KIAA1217: variants seen among roughly 807,000 people sequenced by gnomAD.
KIAA1217 encodes sickle tail protein homolog.
KIAA1217 carries 88 observed loss-of-function variants against 163.9 expected under a neutral mutation model. The ratio of observed to expected loss-of-function variants is 0.54; its 90% CI spans 0.45 to 0.64. KIAA1217 has a LOEUF of 0.64. KIAA1217 is among the 30% of genes least tolerant of loss of function. The pLI, the probability that KIAA1217 is intolerant of heterozygous loss-of-function variation, is 0.00. For synonymous variants in KIAA1217, 903 were observed against 923.1 expected, an observed-to-expected ratio of 0.98 and a Z score of 0.39; for missense variants, 2,372 against 2,475.0, an observed-to-expected ratio of 0.96 and a Z score of 0.88.
intron 2 of KIAA1217, among the ~76,000 whole-genome samples, chr10:24,293,350 C>T (rs754664630): frequency 5.9e-5 from 9 of 152,266 alleles, no homozygotes; most frequent in Non-Finnish European, 1.2e-4. Flanking sequence ...GGATTACAGG[C>T]GTGAGCCACC....
intron 1 of KIAA1217, among the ~76,000 whole-genome samples, chr10:23,887,271 A>G (rs1390203447): frequency 1.3e-5 from 2 of 151,978 alleles, no homozygotes; most frequent in Non-Finnish European, 2.9e-5. Flanking sequence ...TTTTATGTTT[A>G]AGAAAAGATA....
At chr10:24,317,164 C>T (rs2133198811) in intron 2 of KIAA1217, among the ~76,000 whole-genome samples, 1 of 152,242 alleles carries the variant, frequency 6.6e-6, no homozygotes, top group East Asian at 1.9e-4. Context: ...TATATGAGAG[C>T]AGAAATGATT....
chr10:24,176,059 A>G (rs2065876015), intron 2 of KIAA1217, among the ~76,000 whole-genome samples: 1 of 152,144 alleles, frequency 6.6e-6, no homozygotes, highest in African/African-American at 2.4e-5. Context: ...ATCTGGCCCC[A>G]CCCACATGCT....
chr10:24,203,996 C>T (rs1389736354), upstream of KIAA1217, among the ~76,000 whole-genome samples: 1 of 152,214 alleles, frequency 6.6e-6, no homozygotes, highest in African/African-American at 2.4e-5. Context: ...TATCTTCCAA[C>T]TTAAAATAGA....
At chr10:24,489,565 T>G (rs2065840542) in intron 6 of KIAA1217, among the ~76,000 whole-genome samples, 1 of 151,202 alleles carries the variant, frequency 6.6e-6, no homozygotes, top group Admixed American at 6.6e-5. Flanking sequence ...AGGTGAAACT[T>G]GAATCAAAAA....
intron 2 of KIAA1217, among the ~76,000 whole-genome samples, chr10:24,187,719 C>T (rs2066507167): frequency 6.6e-6 from 1 of 151,652 alleles, no homozygotes; most frequent in African/African-American, 2.4e-5. Context: ...GGAGACACCC[C>T]ATCTCTACTA....
chr10:23,875,498 A>G (rs12778171), intron 1 of KIAA1217, among the ~76,000 whole-genome samples: 26,906 of 151,922 alleles, frequency 0.18, 2,513 homozygotes, highest in Middle Eastern at 0.21. Context: ...ATGCACCTCC[A>G]GTTTTATATG....
Position 24,438,471 on chromosome 10 carries a change from G to T in KIAA1217, c.838G>T (p.Asp280Tyr). The T allele has an allele frequency of 1.2e-6, 2 of 1,605,608 alleles. No individual in the cohort carries two copies. Among genetic ancestry groups the T allele is most frequent in the Non-Finnish European group, 1.7e-6 (2 of 1,172,244 alleles). The part of the protein sequence containing the change: ...FNHTPKTMNG[D>Y]MRMQRELVYA... The stretch of plus-strand genomic sequence containing the variant: ...TCACACACCAAAAACTATGAATGGA[G>T]ACATGAGGGTAAGTGTTTCTGTCAT... The change falls in exon 5 of 21, where the codon GAC becomes TAC. Residue 280 changes from aspartate (D) to tyrosine (Y), a missense_variant. Physicochemically the swap from Asp to Tyr is radical, Grantham distance 160. Coordinates refer to ENST00000376454, the MANE Select transcript of KIAA1217 (RefSeq NM_019590.5).
intron 2 of KIAA1217, among the ~76,000 whole-genome samples, chr10:24,315,067 C>T (rs1038669668): frequency 1.3e-5 from 2 of 152,164 alleles, no homozygotes; most frequent in Non-Finnish European, 2.9e-5. Context: ...ATGGGACCCA[C>T]TGATACCCTG....
intron 1 of KIAA1217, among the ~76,000 whole-genome samples, chr10:23,864,724 G>A (rs1259792849): frequency 1.3e-5 from 2 of 152,024 alleles, no homozygotes; most frequent in Non-Finnish European, 2.9e-5. Context: ...AGAACAAATA[G>A]ACTGTACATA....
chr10:23,821,855 T>A (rs1288534086), intron 1 of KIAA1217, among the ~76,000 whole-genome samples: 1 of 152,176 alleles, frequency 6.6e-6, no homozygotes, highest in Non-Finnish European at 1.5e-5. Context: ...CCTCCAGCTC[T>A]TTCGGCCATC....
intron 1 of KIAA1217, among the ~76,000 whole-genome samples, chr10:23,810,637 A>G (rs1471042789): frequency 7.7e-6 from 1 of 129,798 alleles, no homozygotes; most frequent in Non-Finnish European, 1.5e-5. Context: ...TATATATAAT[A>G]AATATATAGT....
chr10:23,764,458 G>A (rs1834413320), intron 1 of KIAA1217, among the ~76,000 whole-genome samples: 1 of 152,098 alleles, frequency 6.6e-6, no homozygotes, highest in African/African-American at 2.4e-5. Flanking sequence ...TGTACTCAAA[G>A]GACTATAAAT....
At chr10:24,313,458 A>T (rs1447787566) in intron 2 of KIAA1217, among the ~76,000 whole-genome samples, 4 of 152,192 alleles carry the variant, frequency 2.6e-5, no homozygotes, top group Admixed American at 1.3e-4. Context: ...GGACCCATCA[A>T]CAGTCCAATT....
At chr10:23,773,459 TC>T (rs1834882932) in intron 1 of KIAA1217, among the ~76,000 whole-genome samples, 1 of 151,600 alleles carries the variant, frequency 6.6e-6, no homozygotes, top group East Asian at 1.9e-4. Context: ...CTTTTTTGGT[TC>T]CATATGAACT....
intron 1 of KIAA1217, among the ~76,000 whole-genome samples, chr10:23,856,669 C>T (rs1038266518): frequency 2.0e-5 from 3 of 152,256 alleles, no homozygotes; most frequent in East Asian, 3.9e-4. Context: ...CCACCCAGTT[C>T]GAGCTTCCCC....
intron 2 of KIAA1217, among the ~76,000 whole-genome samples, chr10:24,043,895 G>A (rs982993239): frequency 2.0e-5 from 3 of 151,964 alleles, no homozygotes; most frequent in Non-Finnish European, 4.4e-5. Context: ...TTTGATAAAA[G>A]GTCTGGGTTG....
chr10:24,503,835 G>A lies in KIAA1217; in HGVS notation c.2001+2290G>A, dbSNP rs79103156. ...CTGCTCCTGCCTTTTGGCACCATCT[G>A]CTGGCCATTTCGAAATTGTTACCTC... is the stretch of plus-strand genomic sequence containing the variant. On this transcript the variant is annotated intron_variant, in intron 9 of 20. Coordinates refer to ENST00000376454, the MANE Select transcript of KIAA1217 (RefSeq NM_019590.5). 3.3e-5 allele frequency among the ~76,000 whole-genome samples: 5 copies of A among 152,284 alleles called. No homozygotes were observed. The East Asian group carries it at 9.7e-4, about 29-fold the overall frequency.
At chr10:24,397,204 C>A (rs2055899660) in intron 3 of KIAA1217, among the ~76,000 whole-genome samples, 1 of 151,178 alleles carries the variant, frequency 6.6e-6, no homozygotes, top group South Asian at 2.1e-4. Context: ...CTCATACCTC[C>A]TGGGTTCAAG....
Sources: gnomAD v4.1 joint callset for allele counts (sites outside exome capture counted in the v4.1 genomes callset) on GRCh38, gnomAD v4.1.1 for gene constraint, MANE v1.5 for transcripts, NCBI Gene and HGNC (gene_info 2026-07-23, HGNC 2026-07-21) for gene names.